PPP4R3A: variants seen among roughly 807,000 people sequenced by gnomAD.
PPP4R3A encodes serine/threonine-protein phosphatase 4 regulatory subunit 3A.
PPP4R3A carries 15 observed loss-of-function variants against 91.7 expected under a neutral mutation model. That is an observed-to-expected ratio of 0.16 (90% CI 0.11 to 0.25). The LOEUF (loss-of-function observed/expected upper bound fraction) is 0.25. Among genes scored for constraint, PPP4R3A ranks in the 10% least tolerant of loss-of-function variants. PPP4R3A has a pLI of 1.00. For missense variants in PPP4R3A, 623 were observed against 998.4 expected, an observed-to-expected ratio of 0.62 and a Z score of 5.07; for synonymous variants, 377 against 348.7, an observed-to-expected ratio of 1.08 and a Z score of -0.91.
chr14:91,471,023 T>C (rs1172708818), intron 9 of PPP4R3A, 28 bp from the exon 10 acceptor site: 5 of 1,552,736 alleles, frequency 3.2e-6, no homozygotes, highest in Non-Finnish European at 3.5e-6. Context: ...CAACTAATTA[T>C]ATTTAATGAC....
chr14:91,478,840 C>G (rs771832670), intron 4 of PPP4R3A, among the ~76,000 whole-genome samples: 2 of 152,200 alleles, frequency 1.3e-5, no homozygotes, highest in Non-Finnish European at 2.9e-5. Flanking sequence ...ATGTGTGCTA[C>G]CAGGCAGCTC....
chr14:91,485,787 G>T, intron 2 of PPP4R3A, 57 bp from the exon 3 acceptor site: 1 of 1,177,492 alleles, frequency 8.5e-7, no homozygotes, highest in Non-Finnish European at 1.2e-6. Flanking sequence ...AAACGAAAAT[G>T]AACAAACAAA....
chr14:91,475,764 T>C, intron 7 of PPP4R3A, 47 bp downstream of exon 7: 2 of 1,522,404 alleles, frequency 1.3e-6, no homozygotes, highest in Non-Finnish European at 1.8e-6. Flanking sequence ...AAAACAGTTA[T>C]AGCTTCCTAT....
At chr14:91,460,205 G>A (rs1888039604) in intron 14 of PPP4R3A, among the ~76,000 whole-genome samples, 3 of 152,108 alleles carry the variant, frequency 2.0e-5, no homozygotes, top group Middle Eastern at 3.4e-3. Context: ...GTAGAGACGG[G>A]GTTTCACCGT....
intron 1 of PPP4R3A, among the ~76,000 whole-genome samples, chr14:91,495,512 G>C (rs1002913023): frequency 2.0e-5 from 3 of 152,042 alleles, no homozygotes; most frequent in African/African-American, 7.2e-5. Flanking sequence ...ATTAGTGGTT[G>C]TTTAGGGCTG....
At chr14:91,490,529 T>C (rs1415681066) in intron 2 of PPP4R3A, among the ~76,000 whole-genome samples, 1 of 152,138 alleles carries the variant, frequency 6.6e-6, no homozygotes, top group African/African-American at 2.4e-5. Flanking sequence ...GTTGCTATAG[T>C]AGGTGGAACA....
At chr14:91,495,322 G>GTC (rs149197308) in intron 1 of PPP4R3A, among the ~76,000 whole-genome samples, 13,647 of 151,610 alleles carry the variant, frequency 0.09, 1,229 homozygotes, top group East Asian at 0.44. Context: ...GTGTGTGTGT[G>GTC]TGTATGTTTT....
chr14:91,459,643 T>C (rs1281065300), intron 14 of PPP4R3A, among the ~76,000 whole-genome samples: 1 of 151,864 alleles, frequency 6.6e-6, no homozygotes, highest in Non-Finnish European at 1.5e-5. Context: ...CCTGGCCTGT[T>C]AATTAACATA....
At chr14:91,497,107 AG>A (rs1890621743) in intron 1 of PPP4R3A, among the ~76,000 whole-genome samples, 4 of 152,202 alleles carry the variant, frequency 2.6e-5, no homozygotes, top group Non-Finnish European at 4.4e-5. Context: ...ATGGTAGCAG[AG>A]ATGACAGGCG....
At chr14:91,491,380 C>T (rs35560024) in intron 1 of PPP4R3A, among the ~76,000 whole-genome samples, 46 of 150,864 alleles carry the variant, frequency 3.0e-4, no homozygotes, top group Non-Finnish European at 5.8e-4. Flanking sequence ...CTTTTCTGAA[C>T]ATTTGATGCA....
rs568353020 is a variant in PPP4R3A, at chr14:91,508,243, T to C, written c.142+1263A>G. Among the ~76,000 whole-genome samples, 7 of 152,322 alleles carry C rather than the reference T, an allele frequency of 4.6e-5. No homozygotes were observed. The East Asian group carries it at 1.3e-3, about 29-fold the overall frequency. On this transcript the variant is annotated intron_variant, in intron 1 of 14. Coordinates refer to ENST00000554943, the MANE Select transcript of PPP4R3A (RefSeq NM_001366432.2). ...AATTTCTCTCCAGATTTAAGTTACT[T>C]TGGGTAACCTTATAACCTGTGGGCA...
chr14:91,473,467 A>G lies in PPP4R3A; in HGVS notation c.1267-97T>C, dbSNP rs1363446938. ...TACCACAGCATTATACCTAGGCTCTAGCTGTTTTGTTAACTGCAAAGTGAA... is the reference window on the plus strand; with the variant it reads ...TACCACAGCATTATACCTAGGCTCTGGCTGTTTTGTTAACTGCAAAGTGAA... On this transcript the variant is annotated intron_variant, in intron 7 of 14. Coordinates refer to ENST00000554943, the MANE Select transcript of PPP4R3A (RefSeq NM_001366432.2). 12 of 1,320,832 alleles carry G rather than the reference A, an allele frequency of 9.1e-6. No homozygotes were observed. In the East Asian group the frequency reaches 2.4e-4, roughly 27 times the overall value. 81.8% of individuals were successfully genotyped at this position (1,320,832 alleles called of 1,614,324 possible).
intron 1 of PPP4R3A, among the ~76,000 whole-genome samples, chr14:91,492,719 T>C (rs1400485498): frequency 2.0e-5 from 3 of 152,220 alleles, no homozygotes; most frequent in African/African-American, 7.2e-5. Flanking sequence ...TGGGCTTTTT[T>C]TCTTTACAAA....
Position 91,507,358 on chromosome 14 carries a change from GTATATATACTA to G in PPP4R3A, c.142+2137_142+2147del, listed in dbSNP as rs1264414658. Among the ~76,000 whole-genome samples, 162 of 99,660 alleles carry G rather than the reference GTATATATACTA, an allele frequency of 1.6e-3. 2 individuals carry two copies. Among genetic ancestry groups the G allele is most frequent in the Non-Finnish European group, 2.5e-3 (129 of 52,124 alleles). The allele number at this position is 99,660 out of a possible 152,430, so 65.4% of individuals were successfully genotyped here. On this transcript the variant is annotated intron_variant, in intron 1 of 14. Transcript: ENST00000554943. ...CTATACATATTATATATACTATATA[GTATATATACTA>G]TAATTATATATACTATATAGTATAT...
chr14:91,477,063 T>C (rs1889257536), intron 4 of PPP4R3A, 77 bp from the exon 5 acceptor site: 4 of 1,114,716 alleles, frequency 3.6e-6, no homozygotes, highest in Admixed American at 2.4e-5. Flanking sequence ...TGCTTTAATA[T>C]ACACAGCAAT....
chr14:91,479,334 G>A (rs11626297), intron 4 of PPP4R3A, among the ~76,000 whole-genome samples: 73,566 of 149,672 alleles, frequency 0.49, 18,363 homozygotes, highest in Admixed American at 0.53. Flanking sequence ...GTGTGTATGG[G>A]TGCAAATAAC....
chr14:91,462,378 T>G, intron 12 of PPP4R3A, 139 bp from the exon 13 acceptor site: 2 of 935,626 alleles, frequency 2.1e-6, no homozygotes, highest in Non-Finnish European at 2.9e-6. Context: ...ATCCAGGTAT[T>G]TAGATTAATG....
intron 1 of PPP4R3A, among the ~76,000 whole-genome samples, chr14:91,491,140 C>A (rs939263357): frequency 6.6e-6 from 1 of 152,016 alleles, no homozygotes; most frequent in South Asian, 2.1e-4. Context: ...CTCCTGACCT[C>A]AGGTGATCCA....
At position 91,458,019 on chromosome 14, in the gene PPP4R3A, CAA is replaced by C. The variant is rs961342840; in HGVS notation, c.*738_*739del. On this transcript the variant is annotated 3_prime_UTR_variant, in exon 15 of 15. Transcript: ENST00000554943. ...AGCACAACGTTAGGTTATATTACAT[CAA>C]AAAAAGTTTTAATGGTCCCAAATAT... The C allele has an allele frequency of 6.6e-6, 1 of 151,870 alleles. No individual in the cohort carries two copies. The highest frequency in any genetic ancestry group is 1.9e-4 in the East Asian group (1 of 5,166). 9.4% of individuals were successfully genotyped at this position (151,870 alleles called of 1,614,324 possible). A position where few individuals can be genotyped will look rare whatever the true frequency, so the allele number is the denominator to read the frequency against.
Sources: allele counts gnomAD v4.1 joint callset (sites outside exome capture counted in the v4.1 genomes callset), GRCh38; gene constraint gnomAD v4.1.1; transcripts MANE v1.5; gene names NCBI Gene and HGNC (gene_info 2026-07-23, HGNC 2026-07-21).